Variants in STK32C observed in about 807,000 individuals in gnomAD.
The protein encoded by STK32C is serine/threonine kinase 32C.
A neutral mutation model predicts 56.5 loss-of-function variants in STK32C; 31 were observed. The ratio of observed to expected loss-of-function variants is 0.55; its 90% CI spans 0.41 to 0.74. STK32C has a LOEUF of 0.74. Among genes scored for constraint, STK32C ranks in the 30% least tolerant of loss-of-function variants. The pLI is 0.00. For missense variants in STK32C, 544 were observed against 676.9 expected (o/e 0.80, Z 2.18); for synonymous variants, 309 against 289.4 (o/e 1.07, Z -0.69).
At chr10:132,304,332 C>T (rs1390715753) in intron 1 of STK32C, among the ~76,000 whole-genome samples, 1 of 152,102 alleles carries the variant, frequency 6.6e-6, no homozygotes, top group Non-Finnish European at 1.5e-5. Context: ...CCCCAACCCA[C>T]CAAACCCCCC....
intron 1 of STK32C, among the ~76,000 whole-genome samples, chr10:132,301,723 C>A (rs547926594): frequency 4.6e-5 from 7 of 152,228 alleles, no homozygotes; most frequent in African/African-American, 1.7e-4. Context: ...ACGTCGGCCA[C>A]GTGTGGAGAA....
chr10:132,303,280 G>A (rs914998913), intron 1 of STK32C, among the ~76,000 whole-genome samples: 11 of 152,186 alleles, frequency 7.2e-5, no homozygotes, highest in Non-Finnish European at 1.6e-4. Context: ...TACTCCCTAC[G>A]GGCTGCAATT....
intron 4 of STK32C, among the ~76,000 whole-genome samples, chr10:132,226,187 GGTCAT>G (rs1218764207): frequency 6.6e-6 from 1 of 152,200 alleles, no homozygotes; most frequent in Non-Finnish European, 1.5e-5. Context: ...CTGGTGCCTA[GGTCAT>G]AATCAGACAT....
At chr10:132,300,487 G>A (rs1422667290) in intron 1 of STK32C, among the ~76,000 whole-genome samples, 1 of 152,254 alleles carries the variant, frequency 6.6e-6, no homozygotes, top group Admixed American at 6.5e-5. Context: ...GCCCAGCCAT[G>A]CTGATCTCTG....
In STK32C at chr10:132,207,817, GTGTCCCCTGCACCCACAGCCTCT is replaced by G. The variant is rs533462833; in HGVS notation, c.*170_*192del. The G allele has an allele frequency of 4.0e-4, 255 of 645,394 alleles. No individual in the cohort carries two copies. The highest frequency in any genetic ancestry group is 9.6e-4 in the East Asian group (28 of 29,034). 40.0% of individuals were successfully genotyped at this position (645,394 alleles called of 1,614,324 possible). ...GGCCCACGGGAAATGCCCTCCACAG[GTGTCCCCTGCACCCACAGCCTCT>G]TGTCCCCTGCACCACCACGAGCCTG... On this transcript the variant is annotated 3_prime_UTR_variant, in exon 12 of 12. Coordinates refer to ENST00000298630, the MANE Select transcript of STK32C (RefSeq NM_173575.4).
At chr10:132,312,927 C>T (rs1436600147), upstream of STK32C, among the ~76,000 whole-genome samples, 1 of 152,202 alleles carries the variant, frequency 6.6e-6, no homozygotes, top group Admixed American at 6.5e-5. Flanking sequence ...GTAATACCAG[C>T]TACTCAGGAA....
chr10:132,257,512 AGC>A (rs2064163907), intron 1 of STK32C, among the ~76,000 whole-genome samples: 1 of 81,032 alleles, frequency 1.2e-5, no homozygotes, highest in Non-Finnish European at 3.4e-5. Context: ...CACACCCCCC[AGC>A]CAAAGAGATG....
intron 10 of STK32C, chr10:132,209,430 T>C (rs2062218566): frequency 3.7e-6 from 2 of 536,728 alleles, no homozygotes; most frequent in Non-Finnish European, 7.1e-6. Context: ...TGCCGGGCCT[T>C]TCCCGTCTCA....
At chr10:132,331,967 C>T, upstream of STK32C, 1 of 502,218 alleles carries the variant, frequency 2.0e-6, no homozygotes, top group Non-Finnish European at 3.4e-6. Context: ...GCACCACACC[C>T]CGCCCCCTCC....
At chr10:132,217,809 C>T (rs2062517352) in intron 10 of STK32C, among the ~76,000 whole-genome samples, 2 of 152,164 alleles carry the variant, frequency 1.3e-5, no homozygotes, top group African/African-American at 2.4e-5. Context: ...TCCTTGCCTT[C>T]CACGACTGTG....
intron 1 of STK32C, among the ~76,000 whole-genome samples, chr10:132,298,298 T>C (rs753348731): frequency 3.9e-5 from 6 of 152,232 alleles, no homozygotes; most frequent in African/African-American, 2.4e-5. Flanking sequence ...AGCCCAGGCC[T>C]AAGCCTCAAG....
At chr10:132,330,642 GA>G (rs1167512700) in intron 1 of STK32C, among the ~76,000 whole-genome samples, 2 of 149,718 alleles carry the variant, frequency 1.3e-5, no homozygotes, top group African/African-American at 4.9e-5. Flanking sequence ...CACACAGCTG[GA>G]ACTACAGGTG....
chr10:132,268,811 C>T (rs1243451325), intron 1 of STK32C, among the ~76,000 whole-genome samples: 21 of 115,218 alleles, frequency 1.8e-4, no homozygotes, highest in African/African-American at 6.2e-4. Flanking sequence ...GTGTGTGTGT[C>T]GGTGTGTGTG....
chr10:132,236,805 C>T (rs1054125790), intron 2 of STK32C, among the ~76,000 whole-genome samples: 3 of 152,162 alleles, frequency 2.0e-5, no homozygotes, highest in South Asian at 2.1e-4. Flanking sequence ...GTGTGACCCT[C>T]GACCTGGTGC....
intron 1 of STK32C, among the ~76,000 whole-genome samples, chr10:132,253,358 A>G (rs1368032093): frequency 6.6e-6 from 1 of 150,816 alleles, no homozygotes; most frequent in African/African-American, 2.5e-5. Context: ...AGGGAGCTGG[A>G]GAGAGTCAAG....
At position 132,209,013 on chromosome 10, in the gene STK32C, AC is replaced by A; in HGVS notation, c.1319+20del. On this transcript the variant is annotated intron_variant, in intron 11 of 11. Coordinates refer to ENST00000298630, the MANE Select transcript of STK32C (RefSeq NM_173575.4). Reference sequence around the variant, plus strand: ...TTTCCTCCTCTCTGCCACCACGCCCACCCACCCCCAACACACTCACTTTTCT... The same window carrying A: ...TTTCCTCCTCTCTGCCACCACGCCCACCACCCCCAACACACTCACTTTTCT... The A allele has an allele frequency of 7.6e-7, 1 of 1,313,766 alleles. No homozygotes were observed. The highest frequency in any genetic ancestry group is 1.1e-6 in the Non-Finnish European group (1 of 921,458). The allele number at this position is 1,313,766 out of a possible 1,614,324, so 81.4% of individuals were successfully genotyped here.
rs2064091498 is a variant in STK32C at position 132,255,620 on chromosome 10, G to A, written c.263-9665C>T. ...GCAGCACCCAGGAGAGGAGCAGGGG[G>A]CCCTGCAGGAAGCAGGTCCCTCAAC... On this transcript the variant is annotated intron_variant, in intron 1 of 11. Transcript: ENST00000298630. The surrounding 1 kb of genome is among the most constrained non-coding windows in gnomAD (Gnocchi z 4.6). Among the ~76,000 whole-genome samples the A allele has an allele frequency of 6.6e-6, 1 of 152,160 alleles. No individual in the cohort carries two copies. The highest frequency in any genetic ancestry group is 1.5e-5 in the Non-Finnish European group (1 of 68,026).
chr10:132,255,972 G>GC lies in STK32C; in HGVS notation c.263-10018dup, dbSNP rs1042996862. On this transcript the variant is annotated intron_variant, in intron 1 of 11. Transcript: ENST00000298630. This position sits in a 1 kb window ranked among gnomAD's most constrained non-coding sequence, Gnocchi z 4.6. Reference sequence around the variant, plus strand: ...GAGCCCTGGTGTCCAGCTTGGACTCGCCCGGGTGGCTTGGCGGCTTCCCGG... The same window carrying GC: ...GAGCCCTGGTGTCCAGCTTGGACTCGCCCCGGGTGGCTTGGCGGCTTCCCGG... Among the ~76,000 whole-genome samples, 2 of 152,186 alleles carry GC rather than the reference G, an allele frequency of 1.3e-5. No individual in the cohort carries two copies. Among genetic ancestry groups the GC allele is most frequent in the African/African-American group, 4.8e-5 (2 of 41,448 alleles).
At chr10:132,266,939 C>A (rs61864461) in intron 1 of STK32C, among the ~76,000 whole-genome samples, 124,485 of 151,986 alleles carry the variant, frequency 0.82, 51,698 homozygotes, top group African/African-American at 0.89. Flanking sequence ...GAGGGCTGCG[C>A]GGACGAGGCC....
Sources: allele counts gnomAD v4.1 joint callset (sites outside exome capture counted in the v4.1 genomes callset), GRCh38; gene constraint gnomAD v4.1.1; non-coding constraint Gnocchi (gnomAD v3.1); transcripts MANE v1.5; gene names NCBI Gene and HGNC (gene_info 2026-07-23, HGNC 2026-07-21).